Variants in STAG1 observed in about 807,000 individuals in gnomAD.
The protein encoded by STAG1 is cohesin subunit SA-1.
A neutral mutation model predicts 170.9 loss-of-function variants in STAG1; 26 were observed. The observed-to-expected ratio is 0.15, with a 90% CI of 0.11 to 0.21. The LOEUF (loss-of-function observed/expected upper bound fraction) is 0.21, where lower values mean the gene tolerates loss of function less well. STAG1 is among the 10% of genes least tolerant of loss of function. The pLI is 1.00. For synonymous variants in STAG1, 514 were observed against 497.7 expected (o/e 1.03, Z -0.44); for missense variants, 964 against 1,509.5 (o/e 0.64, Z 5.99).
chr3:136,671,795 T>C (rs1012597601), intron 1 of STAG1, among the ~76,000 whole-genome samples: 1 of 151,880 alleles, frequency 6.6e-6, no homozygotes, highest in African/African-American at 2.4e-5. Flanking sequence ...GGTGGGCAGA[T>C]CACTTGAGCC....
Position 136,396,521 on chromosome 3 carries a change from T to C in STAG1, c.2277+2228A>G, listed in dbSNP as rs906806207. Among the ~76,000 whole-genome samples, 11 of 12,686 alleles carry C rather than the reference T, an allele frequency of 8.7e-4. No individual in the cohort carries two copies. The South Asian group carries it at 0.058, about 67-fold the overall frequency. 8.3% of individuals were successfully genotyped at this position (12,686 alleles called of 152,430 possible). ...CAGGCGTGAGCCACCGCGCCTGGCCTTTTTTTTTTTTTTTTTTTTTTTTTT... is the reference window on the plus strand; with the variant it reads ...CAGGCGTGAGCCACCGCGCCTGGCCCTTTTTTTTTTTTTTTTTTTTTTTTT... On this transcript the variant is annotated intron_variant, in intron 22 of 33. Transcript: ENST00000383202.
At chr3:136,501,645 T>C (rs1933479453) in intron 8 of STAG1, among the ~76,000 whole-genome samples, 2 of 152,208 alleles carry the variant, frequency 1.3e-5, no homozygotes, top group Non-Finnish European at 1.5e-5. Flanking sequence ...TATAATAATG[T>C]TATTTTGTTT....
At chr3:136,704,153 T>G (rs1425258149) in intron 1 of STAG1, among the ~76,000 whole-genome samples, 1 of 150,392 alleles carries the variant, frequency 6.6e-6, no homozygotes, top group African/African-American at 2.4e-5. Context: ...CAGGTTCAAG[T>G]GATTCTCCTG....
rs546977530 is a variant in STAG1, at chr3:136,417,701, A to G, written c.2196+184T>C. 2.2e-4 allele frequency: 110 copies of G among 508,220 alleles called. 4 individuals carry two copies. In the South Asian group the frequency reaches 2.6e-3, roughly 12 times the overall value. The allele number at this position is 508,220 out of a possible 1,614,324, so 31.5% of individuals were successfully genotyped here. Reference sequence around the variant, plus strand: ...TATAGCAAAAGTTTTTTCTACTCTTAACACATAAGCCAGTATAATACACCT... The same window carrying G: ...TATAGCAAAAGTTTTTTCTACTCTTGACACATAAGCCAGTATAATACACCT... On this transcript the variant is annotated intron_variant, in intron 21 of 33. Coordinates refer to ENST00000383202, the MANE Select transcript of STAG1 (RefSeq NM_005862.3).
chr3:136,376,009 T>A (rs61789638), intron 23 of STAG1, among the ~76,000 whole-genome samples: 417 of 32,156 alleles, frequency 0.013, 4 homozygotes, highest in Middle Eastern at 0.022. Flanking sequence ...AATAAATAAA[T>A]AATTAACAAA....
intron 1 of STAG1, among the ~76,000 whole-genome samples, chr3:136,647,880 T>C (rs567505354): frequency 5.5e-4 from 84 of 152,346 alleles, no homozygotes; most frequent in Non-Finnish European, 4.3e-4. Flanking sequence ...CAATTCTCCA[T>C]TGAAAATACT....
intron 3 of STAG1, among the ~76,000 whole-genome samples, chr3:136,613,632 G>GA (rs1460468730): frequency 2.6e-5 from 4 of 152,072 alleles, no homozygotes; most frequent in African/African-American, 4.8e-5. Context: ...GATTACAGGT[G>GA]TGTGCCACCA....
At chr3:136,723,533 C>T (rs543622400) in intron 1 of STAG1, among the ~76,000 whole-genome samples, 3 of 152,000 alleles carry the variant, frequency 2.0e-5, no homozygotes, top group Non-Finnish European at 2.9e-5. Flanking sequence ...CGTCTCTGCC[C>T]GGCAGCCACC....
Position 136,752,368 on chromosome 3 carries a change from C to G in STAG1, c.-257G>C, listed in dbSNP as rs1288776572. 2 of 152,784 alleles carry G rather than the reference C, an allele frequency of 1.3e-5. No individual in the cohort carries two copies. Among genetic ancestry groups the G allele is most frequent in the African/African-American group, 4.8e-5 (2 of 41,458 alleles). 9.5% of individuals were successfully genotyped at this position (152,784 alleles called of 1,614,324 possible). A position where few individuals can be genotyped will look rare whatever the true frequency, so the allele number is the denominator to read the frequency against. On this transcript the variant is annotated 5_prime_UTR_variant, in exon 1 of 34. Coordinates refer to ENST00000383202, the MANE Select transcript of STAG1 (RefSeq NM_005862.3). The stretch of plus-strand genomic sequence containing the variant: ...TAACCCGCCATCTGGTGGCATTTTC[C>G]ACACGCCAATGGCGCCGCTGCAGAC...
intron 3 of STAG1, among the ~76,000 whole-genome samples, chr3:136,614,241 A>G (rs1576669614): frequency 6.6e-6 from 1 of 152,334 alleles, no homozygotes; most frequent in Non-Finnish European, 1.5e-5. Context: ...AAAATAAAAA[A>G]GAACTTATAT....
chr3:136,429,598 G>T (rs1440701317), intron 16 of STAG1, among the ~76,000 whole-genome samples: 1 of 152,192 alleles, frequency 6.6e-6, no homozygotes, highest in African/African-American at 2.4e-5. Flanking sequence ...ACAGACCCTT[G>T]TATTACGTGG....
chr3:136,743,107 C>G (rs1934757950), intron 1 of STAG1, among the ~76,000 whole-genome samples: 1 of 152,168 alleles, frequency 6.6e-6, no homozygotes, highest in Admixed American at 6.5e-5. Flanking sequence ...TGGCTCACGC[C>G]TGTAATCCTA....
At chr3:136,577,510 A>G (rs1222065964) in intron 4 of STAG1, among the ~76,000 whole-genome samples, 1 of 152,154 alleles carries the variant, frequency 6.6e-6, no homozygotes, top group Non-Finnish European at 1.5e-5. Context: ...AGTAATTCTG[A>G]GCCTCCCATA....
intron 1 of STAG1, among the ~76,000 whole-genome samples, chr3:136,724,929 C>T (rs1263674321): frequency 6.6e-6 from 1 of 152,046 alleles, no homozygotes; most frequent in African/African-American, 2.4e-5. Context: ...AAACATTAAA[C>T]CTATGTAAAA....
chr3:136,704,821 CAAAAAAAAAAAA>C (rs67207510), intron 1 of STAG1, among the ~76,000 whole-genome samples: 9 of 51,426 alleles, frequency 1.8e-4, no homozygotes, highest in South Asian at 9.0e-4. Context: ...GTCCCTGTCT[CAAAAAAAAAAAA>C]AAAAAAAAAA....
At chr3:136,458,984 C>G (rs552675987) in intron 13 of STAG1, among the ~76,000 whole-genome samples, 2 of 152,142 alleles carry the variant, frequency 1.3e-5, no homozygotes, top group African/African-American at 4.8e-5. Flanking sequence ...CTTTGGGAGG[C>G]TGAGGTGGGC....
chr3:136,499,994 A>T (rs1222723442), intron 9 of STAG1: 4 of 401,802 alleles, frequency 1.0e-5, no homozygotes, highest in Non-Finnish European at 1.4e-5. Flanking sequence ...CAAGTACATA[A>T]GCTACTTCCA....
At chr3:136,342,478 C>A in intron 30 of STAG1, among the ~76,000 whole-genome samples, 1 of 151,896 alleles carries the variant, frequency 6.6e-6, no homozygotes, top group Non-Finnish European at 1.5e-5. Context: ...GCCACCACAC[C>A]TGGCTAATTT....
chr3:136,466,189 A>G (rs1386286781), intron 12 of STAG1, among the ~76,000 whole-genome samples: 1 of 152,230 alleles, frequency 6.6e-6, no homozygotes, highest in African/African-American at 2.4e-5. Context: ...AAGGCTACAG[A>G]CGATCAAACT....
Sources: allele counts gnomAD v4.1 joint callset (sites outside exome capture counted in the v4.1 genomes callset), GRCh38; gene constraint gnomAD v4.1.1; transcripts MANE v1.5; gene names NCBI Gene and HGNC (gene_info 2026-07-23, HGNC 2026-07-21).